The following SLC39A14 variants were observed in gnomAD, a reference collection of about 807,000 sequenced individuals.
The protein encoded by SLC39A14 is solute carrier family 39 member 14.
A neutral mutation model predicts 45.5 loss-of-function variants in SLC39A14; 19 were observed. The ratio of observed to expected loss-of-function variants is 0.42; its 90% CI spans 0.29 to 0.61. The LOEUF is 0.61. Ranked by LOEUF, SLC39A14 falls within the 20% of genes least tolerant of loss-of-function variation. The pLI is 0.22. For synonymous variants in SLC39A14, 264 were observed against 251.3 expected (o/e 1.05, Z -0.48); for missense variants, 447 against 616.5 (o/e 0.73, Z 2.91).
chr8:22,406,680 G>C (rs559302219), intron 2 of SLC39A14, among the ~76,000 whole-genome samples: 1 of 152,128 alleles, frequency 6.6e-6, no homozygotes, highest in East Asian at 1.9e-4. Context: ...GACAGAGCGA[G>C]ACTCCATCTC....
chr8:22,392,140 G>T (rs1834110364), intron 1 of SLC39A14, among the ~76,000 whole-genome samples: 1 of 152,236 alleles, frequency 6.6e-6, no homozygotes. Context: ...TGCTGGAAAA[G>T]TGACCCAAGA....
rs758335484 is a variant in SLC39A14, at chr8:22,404,761, C to T, written c.51C>T (p.Thr17=). The change falls in exon 2 of 9, where the codon ACC becomes ACT. Residue 17 remains threonine, a synonymous_variant. Transcript: ENST00000381237. ...CCTTCCAGAGCTGCCTCCTGCTGAC[C>T]CTGCTTGGCTTATGGAGAACCACCC... ...HPAFQSCLLL[T]LLGLWRTTPE... 4 of 1,613,712 alleles carry T rather than the reference C, an allele frequency of 2.5e-6. No individual in the cohort carries two copies. The East Asian group carries it at 8.9e-5, about 36-fold the overall frequency.
chr8:22,405,981 C>T (rs1835186560), intron 2 of SLC39A14, among the ~76,000 whole-genome samples: 2 of 152,214 alleles, frequency 1.3e-5, no homozygotes. Flanking sequence ...GTTCAACCAA[C>T]AGAGGACAAA....
chr8:22,429,010 C>T (rs1282927438), intron 8 of SLC39A14, among the ~76,000 whole-genome samples: 1 of 152,052 alleles, frequency 6.6e-6, no homozygotes, highest in Admixed American at 6.6e-5. Context: ...TGGTGGCTCA[C>T]GCCTGTAATC....
rs114855224 is a variant in SLC39A14 at position 22,410,138 on chromosome 8, G to C, written c.457+1642G>C. 2.5e-6 allele frequency: 4 copies of C among 1,613,326 alleles called. No homozygotes were observed. The Admixed American group carries it at 6.7e-5, about 27-fold the overall frequency. On this transcript the variant is annotated intron_variant, in intron 3 of 8. Coordinates refer to ENST00000381237, the MANE Select transcript of SLC39A14 (RefSeq NM_001128431.4). ...GAGGTGCAGTAGAACAGAAACTTGC[G>C]CGTCCTCTTTCCCTGGGGCGGCACA... is the stretch of plus-strand genomic sequence containing the variant.
At chr8:22,415,414 C>T (rs1341246138) in intron 5 of SLC39A14, 1 of 218,830 alleles carries the variant, frequency 4.6e-6, no homozygotes, top group Non-Finnish European at 8.8e-6. Context: ...CCCGAGGAGA[C>T]AGCTTTGATA....
intron 1 of SLC39A14, among the ~76,000 whole-genome samples, chr8:22,402,197 C>T (rs557643340): frequency 1.0e-3 from 156 of 152,096 alleles, no homozygotes; most frequent in African/African-American, 3.6e-3. Flanking sequence ...CTGGCTAACA[C>T]AGTGAAACCC....
chr8:22,427,007 T>C (rs1836398300), downstream of SLC39A14, among the ~76,000 whole-genome samples: 1 of 151,296 alleles, frequency 6.6e-6, no homozygotes, highest in South Asian at 2.1e-4. Flanking sequence ...ATATGGTTTG[T>C]TGGGGCCGGG....
intron 1 of SLC39A14, among the ~76,000 whole-genome samples, chr8:22,399,595 G>A (rs914989552): frequency 2.6e-5 from 4 of 152,240 alleles, no homozygotes; most frequent in East Asian, 1.9e-4. Context: ...TGCAGCACAC[G>A]TCCTGGAGGA....
Position 22,420,841 on chromosome 8 carries a change from C to T in SLC39A14, c.*1143C>T. On this transcript the variant is annotated 3_prime_UTR_variant, in exon 9 of 9. Coordinates refer to ENST00000381237, the MANE Select transcript of SLC39A14 (RefSeq NM_001128431.4). ...TCGCAGATGTTTGCAGAATGGTTGG[C>T]CTAATGATTATGCTACAGATGGGTT... 1.0e-6 allele frequency: 1 copy of T among 985,384 alleles called. No homozygotes were observed. Among genetic ancestry groups the T allele is most frequent in the Non-Finnish European group, 1.2e-6 (1 of 829,926 alleles). 61.0% of individuals were successfully genotyped at this position (985,384 alleles called of 1,614,324 possible). A position where few individuals can be genotyped will look rare whatever the true frequency, so the allele number is the denominator to read the frequency against.
rs190573386 is a variant in SLC39A14 at position 22,395,301 on chromosome 8, C to T, written c.-15-9395C>T. ...TGTGTTTTATCTTAGAACACATCTTCCATTTCATTCTTGGGTTCCCCTCTC... is the reference window on the plus strand; with the variant it reads ...TGTGTTTTATCTTAGAACACATCTTTCATTTCATTCTTGGGTTCCCCTCTC... On this transcript the variant is annotated intron_variant, in intron 1 of 8. Transcript: ENST00000381237. Among the ~76,000 whole-genome samples the T allele has an allele frequency of 5.9e-3, 906 of 152,316 alleles. 6 individuals are homozygous for T. The highest frequency in any genetic ancestry group is 8.0e-3 in the Non-Finnish European group (542 of 68,024).
chr8:22,402,442 A>G (rs1190806889), intron 1 of SLC39A14, among the ~76,000 whole-genome samples: 1 of 152,062 alleles, frequency 6.6e-6, no homozygotes, highest in African/African-American at 2.4e-5. Flanking sequence ...ATCTTATTCT[A>G]TTGCTTAGCC....
intron 3 of SLC39A14, chr8:22,410,202 G>A: frequency 7.2e-7 from 1 of 1,395,778 alleles, no homozygotes; most frequent in Non-Finnish European, 1.0e-6. Context: ...TGGGCTCCAA[G>A]GCACCCAATG....
intron 8 of SLC39A14, among the ~76,000 whole-genome samples, chr8:22,432,414 C>T (rs1836480315): frequency 6.6e-6 from 1 of 151,880 alleles, no homozygotes; most frequent in South Asian, 2.1e-4. Context: ...CTCTTTCTCT[C>T]TGCTCCTTCC....
In SLC39A14 at chr8:22,408,258, C is replaced by G. The variant is rs1006974564; in HGVS notation, c.271-52C>G. On this transcript the variant is annotated intron_variant, in intron 2 of 8. Coordinates refer to ENST00000381237, the MANE Select transcript of SLC39A14 (RefSeq NM_001128431.4). ...CTGAGTAGGTTGCTGTTTAGCAGGG[C>G]AAGGCCTGACCTTTGGGGTCTAAGC... The G allele has an allele frequency of 5.2e-6, 8 of 1,548,638 alleles. No individual in the cohort carries two copies. In the Admixed American group the frequency reaches 8.6e-5, roughly 17 times the overall value.
chr8:22,403,008 G>A (rs1047572974), intron 1 of SLC39A14, among the ~76,000 whole-genome samples: 2 of 151,850 alleles, frequency 1.3e-5, no homozygotes, highest in Admixed American at 6.6e-5. Context: ...ACAGAGTCTC[G>A]CTCTGCCGCC....
intron 1 of SLC39A14, among the ~76,000 whole-genome samples, chr8:22,380,738 T>C (rs1373330278): frequency 1.4e-5 from 2 of 147,724 alleles, no homozygotes; most frequent in Non-Finnish European, 3.0e-5. Flanking sequence ...GTGCAGTGGC[T>C]CCATAATGGC....
chr8:22,410,562 T>C lies in SLC39A14; in HGVS notation c.458-1475T>C, dbSNP rs373043091. On this transcript the variant is annotated intron_variant, in intron 3 of 8. Transcript: ENST00000381237. ...AGAGGTTACCAAGTGATATGTAGAA[T>C]TGGCCTAAAAAGCGAGTGTTCTTTA... 2.0e-4 allele frequency among the ~76,000 whole-genome samples: 31 copies of C among 152,304 alleles called. No individual in the cohort carries two copies. The South Asian group carries it at 6.0e-3, about 30-fold the overall frequency.
rs1417744632 is a variant in SLC39A14, at chr8:22,420,619, A to G, written c.*921A>G. ...TGTTAGAGGGGAGACTGCACAAACT[A>G]TCCTCCCCCAGGTTGAGACGTCTGC... On this transcript the variant is annotated 3_prime_UTR_variant, in exon 9 of 9. Transcript: ENST00000381237. 2 of 985,380 alleles carry G rather than the reference A, an allele frequency of 2.0e-6. No individual in the cohort carries two copies. The highest frequency in any genetic ancestry group is 4.7e-5 in the South Asian group (1 of 21,278). 61.0% of individuals were successfully genotyped at this position (985,380 alleles called of 1,614,324 possible).
Sources: gnomAD v4.1 joint callset for allele counts (sites outside exome capture counted in the v4.1 genomes callset) on GRCh38, gnomAD v4.1.1 for gene constraint, MANE v1.5 for transcripts, NCBI Gene and HGNC (gene_info 2026-07-23, HGNC 2026-07-21) for gene names.